The following LRRC4C variants were observed in gnomAD, a reference collection of about 807,000 sequenced individuals.
LRRC4C encodes the protein leucine-rich repeat-containing protein 4C.
In LRRC4C, 5 loss-of-function variants were observed where a neutral mutation model predicts 33.6. The ratio of observed to expected loss-of-function variants is 0.15; its 90% CI spans 0.08 to 0.31. LRRC4C has a LOEUF of 0.31. LRRC4C is among the 10% of genes least tolerant of loss of function. The probability of loss-of-function intolerance (pLI) is 1.00; values close to 1 mark genes in which losing one functional copy is unlikely to be tolerated. For missense variants in LRRC4C, 560 were observed against 796.7 expected, an observed-to-expected ratio of 0.70 and a Z score of 3.58; for synonymous variants, 329 against 302.0, an observed-to-expected ratio of 1.09 and a Z score of -0.93.
chr11:40,448,409 C>A (rs1951735090), intron 3 of LRRC4C, among the ~76,000 whole-genome samples: 1 of 151,920 alleles, frequency 6.6e-6, no homozygotes, highest in South Asian at 2.1e-4. Flanking sequence ...TAGCTCCCCA[C>A]CCCCCGACAG....
chr11:41,188,122 A>G (rs1438763129), intron 1 of LRRC4C, among the ~76,000 whole-genome samples: 4 of 152,016 alleles, frequency 2.6e-5, no homozygotes, highest in Non-Finnish European at 5.9e-5. Context: ...TGGATTGAAG[A>G]TACCCTCCCC....
chr11:41,351,631 C>T (rs542679741), intron 1 of LRRC4C, among the ~76,000 whole-genome samples: 1 of 152,238 alleles, frequency 6.6e-6, no homozygotes, highest in African/African-American at 2.4e-5. Flanking sequence ...CCCCATCAGG[C>T]TAACAGCAGA....
At chr11:40,882,365 A>T (rs145036514) in intron 2 of LRRC4C, among the ~76,000 whole-genome samples, 1 of 152,248 alleles carries the variant, frequency 6.6e-6, no homozygotes, top group East Asian at 1.9e-4. Context: ...CCAAGTTGAC[A>T]AGTGTAAATT....
At chr11:41,010,043 C>T (rs575607244) in intron 1 of LRRC4C, among the ~76,000 whole-genome samples, 30 of 152,090 alleles carry the variant, frequency 2.0e-4, no homozygotes, top group African/African-American at 7.2e-4. Context: ...GACTATAAGA[C>T]AAAGAATGCC....
chr11:41,330,822 C>T (rs7124587), intron 1 of LRRC4C, among the ~76,000 whole-genome samples: 1 of 152,010 alleles, frequency 6.6e-6, no homozygotes, highest in South Asian at 2.1e-4. Flanking sequence ...TATATGTACA[C>T]TAGTCCCCAA....
At chr11:41,240,180 T>A (rs955200630) in intron 1 of LRRC4C, among the ~76,000 whole-genome samples, 1 of 152,178 alleles carries the variant, frequency 6.6e-6, no homozygotes, top group Non-Finnish European at 1.5e-5. Flanking sequence ...AAACTTTAGA[T>A]TTTTTGTGTA....
At chr11:40,752,602 AC>A (rs1369767060) in intron 2 of LRRC4C, among the ~76,000 whole-genome samples, 4 of 151,832 alleles carry the variant, frequency 2.6e-5, no homozygotes, top group Non-Finnish European at 5.9e-5. Flanking sequence ...ACAAAACAAA[AC>A]AGCAACAACA....
At chr11:40,408,872 T>C (rs1209971967) in intron 3 of LRRC4C, among the ~76,000 whole-genome samples, 1 of 151,968 alleles carries the variant, frequency 6.6e-6, no homozygotes, top group Non-Finnish European at 1.5e-5. Flanking sequence ...CCCATAAAAA[T>C]TCCAATGACA....
intron 1 of LRRC4C, among the ~76,000 whole-genome samples, chr11:41,301,836 C>T (rs1032688452): frequency 1.3e-5 from 2 of 152,220 alleles, no homozygotes; most frequent in East Asian, 1.9e-4. Context: ...AAGATAAGAA[C>T]GATAAACTGC....
At chr11:41,264,702 T>A (rs1949092952) in intron 1 of LRRC4C, among the ~76,000 whole-genome samples, 1 of 152,102 alleles carries the variant, frequency 6.6e-6, no homozygotes, top group South Asian at 2.1e-4. Flanking sequence ...AGGCAAGATA[T>A]CTAGACGAAG....
rs559703752 is a variant in LRRC4C, at chr11:40,418,045, G to A, written c.-269-98324C>T. On this transcript the variant is annotated intron_variant, in intron 3 of 6. Coordinates refer to ENST00000528697, the MANE Select transcript of LRRC4C (RefSeq NM_001258419.2). ...GGTGAAAGAGCAAAGGCAGACAGCT[G>A]TAAACTTCCTACACAAAACAAAGTC... is the stretch of plus-strand genomic sequence containing the variant. Among the ~76,000 whole-genome samples the A allele has an allele frequency of 2.9e-4, 37 of 128,348 alleles. 1 individual carries two copies. The highest frequency in any genetic ancestry group is 9.2e-4 in the African/African-American group (35 of 37,878). The allele number at this position is 128,348 out of a possible 152,430, so 84.2% of individuals were successfully genotyped here.
chr11:40,271,452 A>G (rs899713092), intron 4 of LRRC4C, among the ~76,000 whole-genome samples: 2 of 152,194 alleles, frequency 1.3e-5, no homozygotes, highest in Non-Finnish European at 2.9e-5. Context: ...TTAAAACTCT[A>G]TGTAGAAGGG....
chr11:40,304,532 G>A (rs183866098), intron 4 of LRRC4C, among the ~76,000 whole-genome samples: 216 of 152,068 alleles, frequency 1.4e-3, no homozygotes, highest in Non-Finnish European at 2.4e-3. Flanking sequence ...ATAAAGTCAA[G>A]GTAAAATTAG....
intron 3 of LRRC4C, among the ~76,000 whole-genome samples, chr11:40,479,335 T>C (rs1040436115): frequency 8.5e-5 from 13 of 152,320 alleles, no homozygotes; most frequent in East Asian, 7.7e-4. Flanking sequence ...GTCTGCTGTG[T>C]ACTGGGTTCT....
chr11:41,079,779 T>C (rs183191863), intron 1 of LRRC4C, among the ~76,000 whole-genome samples: 11 of 152,308 alleles, frequency 7.2e-5, no homozygotes, highest in Admixed American at 3.9e-4. Context: ...GAGGATTTTT[T>C]TTGTGATTTT....
At chr11:40,908,492 CA>C (rs1207368501) in intron 2 of LRRC4C, among the ~76,000 whole-genome samples, 1 of 151,754 alleles carries the variant, frequency 6.6e-6, no homozygotes. Context: ...ACATTAGAAC[CA>C]AAAATAAATA....
intron 3 of LRRC4C, among the ~76,000 whole-genome samples, chr11:40,375,925 A>T (rs1948642520): frequency 6.6e-6 from 1 of 152,134 alleles, no homozygotes; most frequent in South Asian, 2.1e-4. Context: ...TTAACTTTAA[A>T]ATTTGGGATA....
intron 3 of LRRC4C, among the ~76,000 whole-genome samples, chr11:40,394,039 T>C (rs1002099752): frequency 6.6e-6 from 1 of 151,658 alleles, no homozygotes; most frequent in Non-Finnish European, 1.5e-5. Flanking sequence ...GGGATAAAAA[T>C]AGGCCAAAAT....
Position 41,203,161 on chromosome 11 carries a change from T to C in LRRC4C, c.-496+256270A>G, listed in dbSNP as rs1324308106. 2.0e-5 allele frequency among the ~76,000 whole-genome samples: 3 copies of C among 152,352 alleles called. No individual in the cohort carries two copies. The East Asian group carries it at 5.8e-4, about 29-fold the overall frequency. ...TCTTATTCCTTCAGTCCACATTTAC[T>C]GTTTTATCTGTCATTCACCCTGTTT... On this transcript the variant is annotated intron_variant, in intron 1 of 6. Coordinates refer to ENST00000528697, the MANE Select transcript of LRRC4C (RefSeq NM_001258419.2).
Sources: gnomAD v4.1 joint callset for allele counts (sites outside exome capture counted in the v4.1 genomes callset) on GRCh38, gnomAD v4.1.1 for gene constraint, MANE v1.5 for transcripts, NCBI Gene and HGNC (gene_info 2026-07-23, HGNC 2026-07-21) for gene names.